L1TD1: variants seen among roughly 807,000 people sequenced by gnomAD.
The protein encoded by L1TD1 is LINE1 type transposase domain containing 1, also known as LINE-1 type transposase domain-containing protein 1.
A neutral mutation model predicts 25.7 loss-of-function variants in L1TD1; 26 were observed. The observed-to-expected ratio is 1.01, with a 90% CI of 0.74 to 1.40. The LOEUF is 1.40. Among genes scored for constraint, L1TD1 ranks in the 40% most tolerant of loss-of-function variants. The probability of loss-of-function intolerance (pLI) is 0.00; values close to 1 mark genes in which losing one functional copy is unlikely to be tolerated. For synonymous variants in L1TD1, 421 were observed against 335.6 expected (o/e 1.25, Z -2.78); for missense variants, 1,130 against 975.0 (o/e 1.16, Z -2.12).
chr1:62,210,702 T>C lies in L1TD1; in HGVS notation c.1928T>C (p.Leu643Ser), dbSNP rs1240300838. Residue 643 changes from leucine (L) to serine (S), a missense_variant, in exon 4 of 4, where the codon TTG becomes TCG. Coordinates refer to ENST00000498273, the MANE Select transcript of L1TD1 (RefSeq NM_019079.5). ...TTGAAAAGTTCCCATTCAGGTGTCT[T>C]GGAAATTGAAAATTCAGTAGATGAT... ...GNLKSSHSGV[L>S]EIENSVDDLS... The C allele has an allele frequency of 5.2e-6, 8 of 1,552,136 alleles. No homozygotes were observed. The highest frequency in any genetic ancestry group is 1.4e-5 in the African/African-American group (1 of 73,178).
intron 1 of L1TD1, among the ~76,000 whole-genome samples, chr1:62,195,414 A>G (rs902728544): frequency 6.6e-6 from 1 of 152,274 alleles, no homozygotes; most frequent in African/African-American, 2.4e-5. Context: ...AAGAAAAAAT[A>G]AAGTCAAGAA....
intron 1 of L1TD1, among the ~76,000 whole-genome samples, chr1:62,195,198 C>T (rs1005867904): frequency 6.6e-6 from 1 of 151,986 alleles, no homozygotes; most frequent in Non-Finnish European, 1.5e-5. Context: ...GCGGGGTGCC[C>T]CGGGTAAGGC....
At position 62,211,299 on chromosome 1, in the gene L1TD1, G is replaced by A; in HGVS notation, c.2525G>A (p.Ser842Asn). ...DFRGKTKVFL[S>N]IEEFRDYVLH... is the part of the protein sequence containing the mutation. ...AGGGGTAAAACAAAGGTATTTCTTA[G>A]TATTGAAGAATTTAGAGATTATGTT... is the stretch of plus-strand genomic sequence containing the variant. The change falls in exon 4 of 4, where the codon AGT becomes AAT. Residue 842 changes from serine (S) to asparagine (N), a missense_variant. By Grantham distance (46) the Ser-to-Asn change is conservative. Coordinates refer to ENST00000498273, the MANE Select transcript of L1TD1 (RefSeq NM_019079.5). 1 of 1,613,266 alleles carries A rather than the reference G, an allele frequency of 6.2e-7. No homozygotes were observed. The highest frequency in any genetic ancestry group is 1.1e-5 in the South Asian group (1 of 90,868).
chr1:62,198,537 C>G (rs541800084), intron 2 of L1TD1, among the ~76,000 whole-genome samples: 2 of 151,828 alleles, frequency 1.3e-5, no homozygotes, highest in Non-Finnish European at 2.9e-5. Flanking sequence ...CCGCCCCACC[C>G]CGCCGATAAG....
At chr1:62,198,817 T>C (rs1465262662) in intron 2 of L1TD1, among the ~76,000 whole-genome samples, 1 of 152,006 alleles carries the variant, frequency 6.6e-6, no homozygotes, top group Non-Finnish European at 1.5e-5. Flanking sequence ...GGGAGTACAC[T>C]GGTGAAAATC....
At chr1:62,201,810 T>C (rs1256718049) in intron 2 of L1TD1, among the ~76,000 whole-genome samples, 1 of 152,188 alleles carries the variant, frequency 6.6e-6, no homozygotes, top group Admixed American at 6.6e-5. Context: ...TTCATTCAAA[T>C]AGAGATCCAA....
chr1:62,211,168 G>A lies in L1TD1; in HGVS notation c.2394G>A (p.Leu798=). The A allele has an allele frequency of 6.4e-7, 1 of 1,551,214 alleles. No individual in the cohort carries two copies. The highest frequency in any genetic ancestry group is 8.7e-7 in the Non-Finnish European group (1 of 1,146,870). ...TCAGGTTGACAGCAGACTTATCACT[G>A]GACACACTGGATGCTAGAAGTAAAT... The part of the protein sequence containing the change: ...TRIRLTADLS[L]DTLDARSKWS... Residue 798 remains leucine, a synonymous_variant, in exon 4 of 4, where the codon CTG becomes CTA. Coordinates refer to ENST00000498273, the MANE Select transcript of L1TD1 (RefSeq NM_019079.5).
chr1:62,210,236 G>A lies in L1TD1; in HGVS notation c.1462G>A (p.Glu488Lys), dbSNP rs1383461786. ...GGAGGAAGAAGAAGGAAAGAGCTCTGAAACAGGAAAGGTAAAGACTACCTC... is the reference window on the plus strand; with the variant it reads ...GGAGGAAGAAGAAGGAAAGAGCTCTAAAACAGGAAAGGTAAAGACTACCTC... ...SEEEEEGKSS[E>K]TGKVKTTSLT... Residue 488 changes from glutamate (E) to lysine (K), a missense_variant, in exon 4 of 4, where the codon GAA (glutamate) becomes AAA (lysine). By Grantham distance (56) the Glu-to-Lys change is moderately conservative. Transcript: ENST00000498273. 6.2e-7 allele frequency: 1 copy of A among 1,614,074 alleles called. No individual in the cohort carries two copies. The highest frequency in any genetic ancestry group is 1.1e-5 in the South Asian group (1 of 91,070).
intron 1 of L1TD1, among the ~76,000 whole-genome samples, chr1:62,195,189 C>T (rs1047672853): frequency 6.6e-6 from 1 of 151,960 alleles, no homozygotes; most frequent in Admixed American, 6.6e-5. Context: ...GCGAAGGGCG[C>T]GGGGTGCCCC....
intron 2 of L1TD1, among the ~76,000 whole-genome samples, chr1:62,204,985 C>T (rs1670707372): frequency 6.6e-6 from 1 of 152,040 alleles, no homozygotes; most frequent in African/African-American, 2.4e-5. Flanking sequence ...AGGCAGGTCT[C>T]AATCTCCTGA....
chr1:62,206,103 C>A (rs936747746), intron 2 of L1TD1, among the ~76,000 whole-genome samples: 1 of 152,142 alleles, frequency 6.6e-6, no homozygotes, highest in Admixed American at 6.5e-5. Flanking sequence ...CTCTGCAATT[C>A]AAAAGGGACA....
Position 62,211,173 on chromosome 1 carries a change from C to T in L1TD1, c.2399C>T (p.Thr800Ile). ...IRLTADLSLD[T>I]LDARSKWSNV... ...TTGACAGCAGACTTATCACTGGACA[C>T]ACTGGATGCTAGAAGTAAATGGAGC... is the stretch of plus-strand genomic sequence containing the variant. The change falls in exon 4 of 4, where the codon ACA (threonine) becomes ATA (isoleucine). Residue 800 changes from threonine (T) to isoleucine (I), a missense_variant. Thr to Ile is a moderately conservative substitution (Grantham distance 89, BLOSUM62 -1). Coordinates refer to ENST00000498273, the MANE Select transcript of L1TD1 (RefSeq NM_019079.5). 1.3e-6 allele frequency: 2 copies of T among 1,551,386 alleles called. No individual in the cohort carries two copies. Among genetic ancestry groups the T allele is most frequent in the Non-Finnish European group, 1.7e-6 (2 of 1,146,914 alleles).
chr1:62,197,918 A>G (rs1460058962), intron 2 of L1TD1, among the ~76,000 whole-genome samples: 2 of 151,124 alleles, frequency 1.3e-5, no homozygotes, highest in Non-Finnish European at 3.0e-5. Flanking sequence ...AACCCTGTAA[A>G]TTACTTGAAT....
At chr1:62,208,786 A>G (rs1436957173) in intron 3 of L1TD1, among the ~76,000 whole-genome samples, 1 of 152,158 alleles carries the variant, frequency 6.6e-6, no homozygotes, top group Non-Finnish European at 1.5e-5. Context: ...GCCAAGGTCT[A>G]TATTCGTAAG....
chr1:62,208,872 A>C (rs1175648508), intron 3 of L1TD1, among the ~76,000 whole-genome samples: 1 of 152,216 alleles, frequency 6.6e-6, no homozygotes, highest in Non-Finnish European at 1.5e-5. Context: ...AACCTCTGCA[A>C]AGTGAGAATC....
Position 62,211,951 on chromosome 1 carries a change from C to T in L1TD1, c.*579C>T, listed in dbSNP as rs67084528. On this transcript the variant is annotated 3_prime_UTR_variant, in exon 4 of 4. Transcript: ENST00000498273. ...CTGCACTCCAGCCGGAGCCACAGAG[C>T]GACACTCCGTCTCAAAAAAAAGTAT... The T allele has an allele frequency of 0.068, 10,421 of 152,346 alleles. 482 individuals are homozygous for T. The highest frequency in any genetic ancestry group is 0.13 in the Admixed American group (2,011 of 15,266). The allele number at this position is 152,346 out of a possible 1,614,324, so 9.4% of individuals were successfully genotyped here.
rs527917129 is a variant in L1TD1 at position 62,203,416 on chromosome 1, A to G, written c.-110-3103A>G. On this transcript the variant is annotated intron_variant, in intron 2 of 3. Coordinates refer to ENST00000498273, the MANE Select transcript of L1TD1 (RefSeq NM_019079.5). ...CTACCCTTCCCAGGCTCTGGTAACT[A>G]TCATTCTACTCTCTTTTTTTTTTGA... is the stretch of plus-strand genomic sequence containing the variant. Among the ~76,000 whole-genome samples the G allele has an allele frequency of 8.6e-5, 13 of 151,604 alleles. No individual in the cohort carries two copies. In the South Asian group the frequency reaches 2.7e-3, roughly 32 times the overall value.
chr1:62,209,477 T>A (rs1356506677), intron 3 of L1TD1, among the ~76,000 whole-genome samples: 2 of 152,076 alleles, frequency 1.3e-5, no homozygotes, highest in African/African-American at 2.4e-5. Context: ...AGGTAATTAC[T>A]GAGGATCAAT....
chr1:62,196,118 C>G (rs555333907), intron 1 of L1TD1, among the ~76,000 whole-genome samples: 1 of 152,256 alleles, frequency 6.6e-6, no homozygotes, highest in East Asian at 1.9e-4. Flanking sequence ...TCAATTTCCT[C>G]CGATTGTTAG....
Sources: gnomAD v4.1 joint callset for allele counts (sites outside exome capture counted in the v4.1 genomes callset) on GRCh38, gnomAD v4.1.1 for gene constraint, MANE v1.5 for transcripts, NCBI Gene and HGNC (gene_info 2026-07-23, HGNC 2026-07-21) for gene names.